Variants in S100Z observed in about 807,000 individuals in gnomAD.
S100Z encodes the protein protein S100-Z.
A neutral mutation model predicts 8.5 loss-of-function variants in S100Z; 11 were observed. That is an observed-to-expected ratio of 1.30 (90% confidence interval 0.82 to 2.15). The LOEUF is 2.15. Ranked by LOEUF, S100Z falls within the 30% of genes most tolerant of loss-of-function variation. The pLI is 0.00. For missense variants in S100Z, 126 were observed against 117.9 expected, an observed-to-expected ratio of 1.07 and a Z score of -0.32; for synonymous variants, 34 against 43.8, an observed-to-expected ratio of 0.78 and a Z score of 0.89.
intron 1 of S100Z, among the ~76,000 whole-genome samples, chr5:76,859,217 A>G (rs1750977629): frequency 6.6e-6 from 1 of 152,204 alleles, no homozygotes; most frequent in Admixed American, 6.6e-5. Context: ...TGATGCTCAT[A>G]TAATTAGGAG....
At chr5:76,929,233 C>T in the S100Z span, among the ~76,000 whole-genome samples, 1 of 152,190 alleles carries the variant, frequency 6.6e-6, no homozygotes, top group South Asian at 2.1e-4. Flanking sequence ...TGGATTTTTA[C>T]ATGGCAGAGA....
chr5:76,882,596 T>C (rs1743443481), intron 4 of S100Z, among the ~76,000 whole-genome samples: 1 of 152,160 alleles, frequency 6.6e-6, no homozygotes, highest in Non-Finnish European at 1.5e-5. Flanking sequence ...AAGGAGTTGT[T>C]GTTTTGTAGA....
downstream of S100Z, among the ~76,000 whole-genome samples, chr5:76,925,157 G>GA (rs903877001): frequency 3.3e-5 from 4 of 121,342 alleles, no homozygotes; most frequent in African/African-American, 1.0e-4. Flanking sequence ...TGAGTGGCTA[G>GA]ATAGAGAGAG....
chr5:76,935,729 T>C, the S100Z span, among the ~76,000 whole-genome samples: 1 of 152,218 alleles, frequency 6.6e-6, no homozygotes. Flanking sequence ...ATTAATTGGC[T>C]TAAGCCTTTA....
At chr5:76,874,466 A>G (rs190103185) in intron 2 of S100Z, among the ~76,000 whole-genome samples, 22 of 152,270 alleles carry the variant, frequency 1.4e-4, no homozygotes, top group African/African-American at 5.1e-4. Flanking sequence ...GCCTTCTTCA[A>G]TGACCCTTGG....
At chr5:76,915,924 G>A (rs562218614) in intron 4 of S100Z, among the ~76,000 whole-genome samples, 6 of 152,060 alleles carry the variant, frequency 3.9e-5, no homozygotes, top group South Asian at 4.2e-4. Flanking sequence ...TAGCACTTTC[G>A]GAGGCCAAGG....
the S100Z span, among the ~76,000 whole-genome samples, chr5:76,934,657 C>T: frequency 1.3e-5 from 2 of 152,178 alleles, no homozygotes; most frequent in African/African-American, 4.8e-5. Context: ...TCTCTTCCAC[C>T]ATGTGAGGAC....
At chr5:76,897,548 ATTGAATCCATAGATTGCT>A (rs1478106232) in intron 4 of S100Z, among the ~76,000 whole-genome samples, 1 of 152,042 alleles carries the variant, frequency 6.6e-6, no homozygotes, top group Admixed American at 6.5e-5. Flanking sequence ...TAAGGATTGC[ATTGAATCCATAGATTGCT>A]TTGGCTAGTA....
intron 1 of S100Z, among the ~76,000 whole-genome samples, chr5:76,859,768 C>CAAAAAAAAAAAA (rs70982653): frequency 0.017 from 1,638 of 97,092 alleles, 53 homozygotes; most frequent in South Asian, 0.031. Flanking sequence ...GCAACAGAGC[C>CAAAAAAAAAAAA]AAAAAAAAAA....
At chr5:76,930,422 G>C in the S100Z span, among the ~76,000 whole-genome samples, 3 of 152,262 alleles carry the variant, frequency 2.0e-5, no homozygotes, top group South Asian at 6.2e-4. Context: ...AATAGAACCA[G>C]GACTGAACTT....
intron 1 of S100Z, among the ~76,000 whole-genome samples, chr5:76,862,130 C>CGT (rs3053269): frequency 0.024 from 3,468 of 147,132 alleles, 55 homozygotes; most frequent in Non-Finnish European, 0.035. Context: ...AAGGAGTGTG[C>CGT]GTGTGTGTGT....
downstream of S100Z, among the ~76,000 whole-genome samples, chr5:76,926,448 G>A (rs181030163): frequency 6.6e-6 from 1 of 152,304 alleles, no homozygotes; most frequent in Non-Finnish European, 1.5e-5. Context: ...GCAGTTCAGT[G>A]TGGGAGCTGG....
the S100Z span, among the ~76,000 whole-genome samples, chr5:76,930,054 C>T: frequency 6.6e-6 from 1 of 152,218 alleles, no homozygotes; most frequent in African/African-American, 2.4e-5. Context: ...GTCTGATTTT[C>T]CTACAACATG....
the S100Z span, among the ~76,000 whole-genome samples, chr5:76,930,023 A>G: frequency 6.6e-6 from 1 of 152,238 alleles, no homozygotes; most frequent in South Asian, 2.1e-4. Context: ...GCATCCTAAA[A>G]TTCTACTGTT....
downstream of S100Z, among the ~76,000 whole-genome samples, chr5:76,921,988 C>CAA (rs35018497): frequency 7.8e-5 from 9 of 114,722 alleles, no homozygotes; most frequent in African/African-American, 1.8e-4. Flanking sequence ...GAGACTGTCT[C>CAA]AAAAAAAAAA....
At chr5:76,863,631 C>T (rs190520401) in intron 1 of S100Z, among the ~76,000 whole-genome samples, 35 of 152,082 alleles carry the variant, frequency 2.3e-4, no homozygotes, top group African/African-American at 4.1e-4. Flanking sequence ...CTCCGCCTCC[C>T]GGGTTCACGC....
intron 1 of S100Z, among the ~76,000 whole-genome samples, chr5:76,868,623 C>CTTTTTTTT (rs35398110): frequency 8.1e-6 from 1 of 122,848 alleles, no homozygotes; most frequent in African/African-American, 3.1e-5. Flanking sequence ...AATTCAAACT[C>CTTTTTTTT]TTTTTTTTTT....
chr5:76,921,945 T>C (rs943773954), downstream of S100Z, among the ~76,000 whole-genome samples: 2 of 149,312 alleles, frequency 1.3e-5, no homozygotes, highest in South Asian at 4.2e-4. Context: ...GCTGAGATCA[T>C]GCCACCGCAC....
intron 4 of S100Z, among the ~76,000 whole-genome samples, chr5:76,917,913 C>T (rs1007303047): frequency 7.9e-5 from 12 of 151,374 alleles, no homozygotes; most frequent in African/African-American, 2.7e-4. Flanking sequence ...GTGCCAGTTT[C>T]CTGTAGGTGG....
Sources: gnomAD v4.1 joint callset for allele counts (sites outside exome capture counted in the v4.1 genomes callset) on GRCh38, gnomAD v4.1.1 for gene constraint, MANE v1.5 for transcripts, NCBI Gene and HGNC (gene_info 2026-07-23, HGNC 2026-07-21) for gene names.